DLG2: variants seen among roughly 807,000 people sequenced by gnomAD.
The protein encoded by DLG2 is disks large homolog 2.
DLG2 carries 45 observed loss-of-function variants against 132.5 expected under a neutral mutation model. The ratio of observed to expected loss-of-function variants is 0.34; its 90% confidence interval spans 0.27 to 0.44. The LOEUF (loss-of-function observed/expected upper bound fraction) is 0.44, where lower values mean the gene tolerates loss of function less well. Among genes scored for constraint, DLG2 ranks in the 20% least tolerant of loss-of-function variants. The pLI is 1.00. For synonymous variants in DLG2, 424 were observed against 419.6 expected, an observed-to-expected ratio of 1.01 and a Z score of -0.13; for missense variants, 1,045 against 1,196.9, an observed-to-expected ratio of 0.87 and a Z score of 1.87.
At chr11:85,462,194 C>G (rs897926778) in intron 3 of DLG2, among the ~76,000 whole-genome samples, 1 of 152,234 alleles carries the variant, frequency 6.6e-6, no homozygotes, top group African/African-American at 2.4e-5. Flanking sequence ...CACTTCTACA[C>G]TGTTGGTGGG....
chr11:84,544,844 C>T (rs2099386446), intron 6 of DLG2, among the ~76,000 whole-genome samples: 1 of 152,012 alleles, frequency 6.6e-6, no homozygotes, highest in Admixed American at 6.5e-5. Flanking sequence ...ACAGCCACAA[C>T]CAAAAAAAGT....
intron 4 of DLG2, among the ~76,000 whole-genome samples, chr11:85,186,009 T>C (rs1253814415): frequency 6.6e-6 from 1 of 151,862 alleles, no homozygotes; most frequent in African/African-American, 2.4e-5. Context: ...AGCTCATTTC[T>C]TTATCATTTA....
intron 19 of DLG2, among the ~76,000 whole-genome samples, chr11:83,543,989 G>A (rs775191858): frequency 6.6e-6 from 1 of 152,132 alleles, no homozygotes; most frequent in Non-Finnish European, 1.5e-5. Flanking sequence ...TTCTTTCTGG[G>A]AGTCTGATAT....
chr11:85,508,956 G>A (rs1480655417), intron 3 of DLG2, among the ~76,000 whole-genome samples: 1 of 152,010 alleles, frequency 6.6e-6, no homozygotes, highest in Non-Finnish European at 1.5e-5. Flanking sequence ...ATATAAAAAA[G>A]TAATAGTATA....
intron 6 of DLG2, among the ~76,000 whole-genome samples, chr11:84,844,123 GTGTGTGTGTGTGTATATA>G (rs1367904910): frequency 1.2e-4 from 3 of 25,128 alleles, no homozygotes; most frequent in African/African-American, 3.6e-4. Flanking sequence ...GTGTGTGTGT[GTGTGTGTGTGTGTATATA>G]TATATATATA....
intron 6 of DLG2, among the ~76,000 whole-genome samples, chr11:84,903,789 GT>G (rs2091195914): frequency 6.6e-6 from 1 of 152,028 alleles, no homozygotes; most frequent in African/African-American, 2.4e-5. Flanking sequence ...ACATAGAAAT[GT>G]TTTTTGGTTC....
chr11:85,509,834 C>T (rs2153153506), intron 3 of DLG2: 1 of 152,072 alleles, frequency 6.6e-6, no homozygotes, highest in South Asian at 2.1e-4. Context: ...GTACAGAACA[C>T]TATGAATGCA....
At chr11:85,212,688 CCTT>C (rs2082328032) in intron 4 of DLG2, among the ~76,000 whole-genome samples, 1 of 152,116 alleles carries the variant, frequency 6.6e-6, no homozygotes, top group African/African-American at 2.4e-5. Flanking sequence ...TCTACTATCT[CCTT>C]ATTTTCCCTC....
At chr11:83,765,612 A>G (rs1397736869) in intron 18 of DLG2, among the ~76,000 whole-genome samples, 1 of 152,242 alleles carries the variant, frequency 6.6e-6, no homozygotes, top group African/African-American at 2.4e-5. Flanking sequence ...GAGGTTAGAT[A>G]TTTAATGCAG....
intron 8 of DLG2, among the ~76,000 whole-genome samples, chr11:84,239,092 A>G (rs1229114865): frequency 1.3e-5 from 2 of 152,200 alleles, no homozygotes; most frequent in African/African-American, 2.4e-5. Context: ...ATTCAAATAA[A>G]CAATTGAGTG....
chr11:84,502,211 CTTCCTTCCTT>C, intron 7 of DLG2, among the ~76,000 whole-genome samples: 1 of 1,674 alleles, frequency 6.0e-4, no homozygotes, highest in South Asian at 0.026. Flanking sequence ...TCCTTCCTTC[CTTCCTTCCTT>C]CCTTCCTTCC....
Position 84,783,088 on chromosome 11 carries a change from ACAGT to A in DLG2, c.358-248361_358-248358del, listed in dbSNP as rs1308781798. On this transcript the variant is annotated intron_variant, in intron 6 of 27. Transcript: ENST00000376104. ...CATAAGAGATAATATCTAAAATCTAACAGTCAAAGACTTAAAAAAAATCAATTGA... is the reference window on the plus strand; with the variant it reads ...CATAAGAGATAATATCTAAAATCTAACAAAGACTTAAAAAAAATCAATTGA... Among the ~76,000 whole-genome samples the A allele has an allele frequency of 8.5e-5, 13 of 152,264 alleles. 1 individual carries two copies. The highest frequency in any genetic ancestry group is 3.4e-3 in the Middle Eastern group (1 of 294).
intron 6 of DLG2, among the ~76,000 whole-genome samples, chr11:84,678,906 A>G (rs1196697485): frequency 2.0e-5 from 3 of 152,072 alleles, no homozygotes; most frequent in Non-Finnish European, 4.4e-5. Context: ...TACTTATTGC[A>G]TAAGTTTGGA....
intron 7 of DLG2, among the ~76,000 whole-genome samples, chr11:84,502,089 TTCC>T (rs1031368993): frequency 2.0e-5 from 3 of 151,352 alleles, no homozygotes; most frequent in Non-Finnish European, 2.9e-5. Context: ...CCTTCCTTCC[TTCC>T]TTTCTTTCTC....
chr11:83,495,246 G>C (rs2094089869), intron 21 of DLG2, among the ~76,000 whole-genome samples: 1 of 152,096 alleles, frequency 6.6e-6, no homozygotes, highest in African/African-American at 2.4e-5. Flanking sequence ...TGTTGGAGTG[G>C]GGGAGGTATA....
chr11:84,587,473 T>C (rs918886735), intron 6 of DLG2, among the ~76,000 whole-genome samples: 1 of 152,244 alleles, frequency 6.6e-6, no homozygotes, highest in African/African-American at 2.4e-5. Context: ...TCATGATGTA[T>C]GTAGCCTACT....
chr11:84,739,330 T>C (rs1042720726), intron 6 of DLG2, among the ~76,000 whole-genome samples: 3 of 152,174 alleles, frequency 2.0e-5, no homozygotes, highest in Admixed American at 1.3e-4. Context: ...TTAATCAAAG[T>C]AACTCCCAAA....
chr11:83,953,452 T>C (rs893664938), intron 14 of DLG2, among the ~76,000 whole-genome samples: 1 of 152,170 alleles, frequency 6.6e-6, no homozygotes, highest in Admixed American at 6.5e-5. Context: ...ATTGAATGAC[T>C]GATGATCTGA....
At chr11:84,335,259 AG>A (rs1434163495) in intron 7 of DLG2, among the ~76,000 whole-genome samples, 6 of 149,938 alleles carry the variant, frequency 4.0e-5, no homozygotes, top group African/African-American at 1.5e-4. Flanking sequence ...GAAGGAACAG[AG>A]GGAGGAAGGG....
Sources: gnomAD v4.1 joint callset for allele counts (sites outside exome capture counted in the v4.1 genomes callset) on GRCh38, gnomAD v4.1.1 for gene constraint, MANE v1.5 for transcripts, NCBI Gene and HGNC (gene_info 2026-07-23, HGNC 2026-07-21) for gene names.